The following BRAP variants were observed in gnomAD, a reference collection of about 807,000 sequenced individuals.
BRAP encodes BRCA1 associated protein.
Under a neutral mutation model 73.4 loss-of-function variants are expected in BRAP, and 42 were observed. That is an observed-to-expected ratio of 0.57 (90% CI 0.45 to 0.74). The LOEUF (loss-of-function observed/expected upper bound fraction) is 0.74. Among genes scored for constraint, BRAP ranks in the 30% least tolerant of loss-of-function variants. The probability of loss-of-function intolerance (pLI) is 0.00; values close to 1 mark genes in which losing one functional copy is unlikely to be tolerated. For synonymous variants in BRAP, 255 were observed against 267.4 expected (o/e 0.95, Z 0.45); for missense variants, 593 against 751.4 (o/e 0.79, Z 2.46).
At chr12:111,666,900 G>C (rs971744453) in intron 5 of BRAP, among the ~76,000 whole-genome samples, 1 of 152,138 alleles carries the variant, frequency 6.6e-6, no homozygotes, top group Non-Finnish European at 1.5e-5. Context: ...CCAGCACAAA[G>C]GATGCCCAAT....
intron 4 of BRAP, among the ~76,000 whole-genome samples, chr12:111,674,931 G>A (rs529524385): frequency 2.8e-4 from 42 of 152,312 alleles, no homozygotes; most frequent in Admixed American, 2.1e-3. Flanking sequence ...GGCTGGTAGA[G>A]CCCTCTTGGG....
rs1384445810 is a variant in BRAP at position 111,658,724 on chromosome 12, TA to T, written c.1221+11del. ...AGAAACAGATAGAGTGATAACTCAT[TA>T]AATCTCTTACCTCTAACTGTAAGGC... On this transcript the variant is annotated intron_variant, in intron 9 of 11. Transcript: ENST00000419234. 1 of 1,516,674 alleles carries T rather than the reference TA, an allele frequency of 6.6e-7. No individual in the cohort carries two copies. Among genetic ancestry groups the T allele is most frequent in the Non-Finnish European group, 9.1e-7 (1 of 1,093,386 alleles). 94.0% of individuals were successfully genotyped at this position (1,516,674 alleles called of 1,614,324 possible). A position where few individuals can be genotyped will look rare whatever the true frequency, so the allele number is the denominator to read the frequency against.
intron 5 of BRAP, chr12:111,670,410 C>T: frequency 3.3e-5 from 12 of 363,018 alleles, no homozygotes; most frequent in South Asian, 3.0e-4. Context: ...TTGATTTCAC[C>T]TAATCAAATG....
rs1592983151 is a variant in BRAP, at chr12:111,665,505, G to A, written c.896+134C>T. Reference sequence around the variant, plus strand: ...CAGAATGCCGATTCCCTGAACTTAGGAAAGGGAAGGAGAAAAAGGACCTCT... The same window carrying A: ...CAGAATGCCGATTCCCTGAACTTAGAAAAGGGAAGGAGAAAAAGGACCTCT... On this transcript the variant is annotated intron_variant, in intron 6 of 11. Coordinates refer to ENST00000419234, the MANE Select transcript of BRAP (RefSeq NM_006768.5). The surrounding 1 kb of genome is among the most constrained non-coding windows in gnomAD (Gnocchi z 4.3). 1 of 1,274,972 alleles carries A rather than the reference G, an allele frequency of 7.8e-7. No homozygotes were observed. The highest frequency in any genetic ancestry group is 1.1e-6 in the Non-Finnish European group (1 of 936,628). 79.0% of individuals were successfully genotyped at this position (1,274,972 alleles called of 1,614,324 possible). A position where few individuals can be genotyped will look rare whatever the true frequency, so the allele number is the denominator to read the frequency against.
At chr12:111,651,641 T>C (rs943335739) in intron 10 of BRAP, among the ~76,000 whole-genome samples, 4 of 148,248 alleles carry the variant, frequency 2.7e-5, no homozygotes, top group East Asian at 2.0e-4. Context: ...TTTTCTTTTT[T>C]TTTTTTTTTT....
At chr12:111,673,937 A>C (rs181014909) in intron 4 of BRAP, among the ~76,000 whole-genome samples, 84 of 152,292 alleles carry the variant, frequency 5.5e-4, no homozygotes, top group Middle Eastern at 3.4e-3. Context: ...AAACTCAGCC[A>C]ATTTTTTAAG....
Position 111,661,474 on chromosome 12 carries a change from TCTCC to T in BRAP, c.897-803_897-800del, listed in dbSNP as rs1886752130. On this transcript the variant is annotated intron_variant, in intron 6 of 11. Coordinates refer to ENST00000419234, the MANE Select transcript of BRAP (RefSeq NM_006768.5). Reference sequence around the variant, plus strand: ...TTGTATTTTTAGTAGAGACGGGGTTTCTCCCTGTTGGTCAGGCTTGTCTCAAACT... The same window carrying T: ...TTGTATTTTTAGTAGAGACGGGGTTTCTGTTGGTCAGGCTTGTCTCAAACT... 2.0e-5 allele frequency among the ~76,000 whole-genome samples: 3 copies of T among 151,838 alleles called. No homozygotes were observed. In the South Asian group the frequency reaches 6.2e-4, roughly 32 times the overall value.
In BRAP at chr12:111,655,112, G is replaced by A. The variant is rs917516311; in HGVS notation, c.1311+454C>T. 2.0e-5 allele frequency among the ~76,000 whole-genome samples: 3 copies of A among 152,088 alleles called. No homozygotes were observed. In the South Asian group the frequency reaches 6.2e-4, roughly 32 times the overall value. ...ATTTTGTTAAAATTTGAAAACTGCT[G>A]CCCTAGACCTTCAGGGTGAATAATG... On this transcript the variant is annotated intron_variant, in intron 10 of 11. Transcript: ENST00000419234.
At position 111,678,096 on chromosome 12, in the gene BRAP, T is replaced by A. The variant is rs1386882731; in HGVS notation, c.633+1055A>T. On this transcript the variant is annotated intron_variant, in intron 4 of 11. Coordinates refer to ENST00000419234, the MANE Select transcript of BRAP (RefSeq NM_006768.5). ...GGAGAAACTCCGCCTCTACTGAAAA[T>A]ACAAAATTAGCCAGGCATGGTGGTG... is the stretch of plus-strand genomic sequence containing the variant. 3.3e-5 allele frequency among the ~76,000 whole-genome samples: 5 copies of A among 151,054 alleles called. No homozygotes were observed. In the East Asian group the frequency reaches 9.8e-4, roughly 30 times the overall value.
intron 10 of BRAP, among the ~76,000 whole-genome samples, chr12:111,654,183 C>G (rs1886426626): frequency 6.6e-6 from 1 of 152,238 alleles, no homozygotes; most frequent in African/African-American, 2.4e-5. Context: ...CCTGCACATA[C>G]TCTAATCAAG....
Position 111,673,510 on chromosome 12 carries a change from GAA to G in BRAP, c.634-738_634-737del, listed in dbSNP as rs11350832. Among the ~76,000 whole-genome samples, 286 of 118,148 alleles carry G rather than the reference GAA, an allele frequency of 2.4e-3. 3 individuals carry two copies. The highest frequency in any genetic ancestry group is 0.016 in the South Asian group (60 of 3,764). 77.5% of individuals were successfully genotyped at this position (118,148 alleles called of 152,430 possible). On this transcript the variant is annotated intron_variant, in intron 4 of 11. Transcript: ENST00000419234. Reference sequence around the variant, plus strand: ...CAAGAGCGAAACTTCATCTCAAAAAGAAAAAAAAAAAAAAAAAGAAAGAAAAT... The same window carrying G: ...CAAGAGCGAAACTTCATCTCAAAAAGAAAAAAAAAAAAAAAGAAAGAAAAT...
intron 10 of BRAP, among the ~76,000 whole-genome samples, chr12:111,652,090 G>A (rs1886349435): frequency 6.6e-6 from 1 of 152,102 alleles, no homozygotes; most frequent in South Asian, 2.1e-4. Flanking sequence ...ACTGACTCCT[G>A]TCAGTTTAAG....
rs138315953 is a variant in BRAP, at chr12:111,674,947, G to C, written c.634-2173C>G. On this transcript the variant is annotated intron_variant, in intron 4 of 11. Transcript: ENST00000419234. ...GCTGGTAGAGCCCTCTTGGGGTCTA[G>C]AGCTCTGCAAATGCTCACTAAACGA... Among the ~76,000 whole-genome samples, 53 of 152,308 alleles carry C rather than the reference G, an allele frequency of 3.5e-4. No homozygotes were observed. In the Middle Eastern group the frequency reaches 0.01, roughly 30 times the overall value.
At chr12:111,649,862 G>T in intron 11 of BRAP, 77 bp downstream of exon 11, 1 of 992,738 alleles carries the variant, frequency 1.0e-6, no homozygotes, top group Non-Finnish European at 1.5e-6. Flanking sequence ...ATTTGAAAAT[G>T]AGGGTGTTTC....
Position 111,658,731 on chromosome 12 carries a change from C to T in BRAP, c.1221+5G>A. 1 of 1,543,244 alleles carries T rather than the reference C, an allele frequency of 6.5e-7. No homozygotes were observed. The highest frequency in any genetic ancestry group is 9.0e-7 in the Non-Finnish European group (1 of 1,116,732). ...GATAGAGTGATAACTCATTAAATCT[C>T]TTACCTCTAACTGTAAGGCATCTAT... On this transcript the variant is annotated splice_donor_5th_base_variant and intron_variant, in intron 9 of 11. Coordinates refer to ENST00000419234, the MANE Select transcript of BRAP (RefSeq NM_006768.5).
chr12:111,685,884 GCCA>G lies in BRAP; in HGVS notation c.-95_-93del, dbSNP rs1887820227. The G allele has an allele frequency of 1.2e-6, 1 of 856,434 alleles. No individual in the cohort carries two copies. Among genetic ancestry groups the G allele is most frequent in the Non-Finnish European group, 1.6e-6 (1 of 619,800 alleles). The allele number at this position is 856,434 out of a possible 1,614,324, so 53.1% of individuals were successfully genotyped here. A position where few individuals can be genotyped will look rare whatever the true frequency, so the allele number is the denominator to read the frequency against. ...CGAGCGGCCCGGGGCCGGCAGCGCCGCCACCACCTCAATGCAGTTGCCGCCGCC... is the reference window on the plus strand; with the variant it reads ...CGAGCGGCCCGGGGCCGGCAGCGCCGCCACCTCAATGCAGTTGCCGCCGCC... On this transcript the variant is annotated 5_prime_UTR_variant, in exon 1 of 12. Coordinates refer to ENST00000419234, the MANE Select transcript of BRAP (RefSeq NM_006768.5).
intron 7 of BRAP, among the ~76,000 whole-genome samples, 188 bp downstream of exon 7, chr12:111,660,412 G>A (rs1201185159): frequency 1.3e-5 from 2 of 152,058 alleles, no homozygotes; most frequent in Non-Finnish European, 2.9e-5. Flanking sequence ...CACTATGGGT[G>A]GCTGAAGTGG....
intron 4 of BRAP, among the ~76,000 whole-genome samples, chr12:111,678,944 T>G (rs1263697806): frequency 6.7e-6 from 1 of 150,130 alleles, no homozygotes; most frequent in Non-Finnish European, 1.5e-5. Flanking sequence ...CAAGATCTCA[T>G]CTCTACCGAA....
intron 9 of BRAP, among the ~76,000 whole-genome samples, chr12:111,656,035 CT>C (rs1054798873): frequency 3.4e-4 from 51 of 152,178 alleles, no homozygotes; most frequent in African/African-American, 1.0e-3. Flanking sequence ...CAGGCACCCC[CT>C]GACTGATAGC....
Sources: gnomAD v4.1 joint callset for allele counts (sites outside exome capture counted in the v4.1 genomes callset) on GRCh38, gnomAD v4.1.1 for gene constraint, Gnocchi (gnomAD v3.1) non-coding constraint, MANE v1.5 for transcripts, NCBI Gene and HGNC (gene_info 2026-07-23, HGNC 2026-07-21) for gene names.